The following CFAP92 variants were observed in gnomAD, a reference collection of about 807,000 sequenced individuals.
CFAP92 encodes the protein cilia and flagella associated protein 92 (putative).
A neutral mutation model predicts 106.3 loss-of-function variants in CFAP92; 86 were observed. The ratio of observed to expected loss-of-function variants is 0.81; its 90% CI spans 0.68 to 0.97. CFAP92 has a LOEUF of 0.97. Ranked by LOEUF, CFAP92 falls within the 50% of genes least tolerant of loss-of-function variation. The pLI, the probability that CFAP92 is intolerant of heterozygous loss-of-function variation, is 0.00. For missense variants in CFAP92, 1,204 were observed against 1,283.8 expected (o/e 0.94, Z 0.95); for synonymous variants, 477 against 506.4 (o/e 0.94, Z 0.78).
the CFAP92 span, among the ~76,000 whole-genome samples, chr3:129,025,337 G>A: frequency 3.6e-4 from 55 of 152,268 alleles, no homozygotes; most frequent in Admixed American, 3.5e-3. Context: ...GGAGGCAGGA[G>A]GAATCCCAGA....
At chr3:128,913,955 G>C (rs1231292128) in intron 15 of CFAP92, among the ~76,000 whole-genome samples, 10 of 152,228 alleles carry the variant, frequency 6.6e-5, no homozygotes, top group Non-Finnish European at 8.8e-5. Flanking sequence ...CTTCACTCTA[G>C]GCTGGTGGCG....
At chr3:129,015,662 A>T in the CFAP92 span, among the ~76,000 whole-genome samples, 26 of 151,750 alleles carry the variant, frequency 1.7e-4, no homozygotes, top group African/African-American at 6.3e-4. Context: ...CCTGCTCAGT[A>T]AAGTTGGGGG....
chr3:128,962,532 C>T (rs896881947), intron 9 of CFAP92, among the ~76,000 whole-genome samples: 4 of 152,060 alleles, frequency 2.6e-5, no homozygotes, highest in African/African-American at 9.7e-5. Flanking sequence ...TCATTGCTGC[C>T]CTTCTTCCCA....
At chr3:128,976,911 C>T (rs1237947252) in intron 6 of CFAP92, 68 bp downstream of exon 6, 14 of 1,249,094 alleles carry the variant, frequency 1.1e-5, no homozygotes, top group East Asian at 4.7e-5. Context: ...AAACCTACCA[C>T]GACTCATAGT....
At chr3:129,003,881 G>C (rs1944927129), upstream of CFAP92, 1 of 1,403,788 alleles carries the variant, frequency 7.1e-7, no homozygotes, top group Non-Finnish European at 9.3e-7. Context: ...TCAGGCGCAG[G>C]GCGCCCTGGC....
intron 9 of CFAP92, among the ~76,000 whole-genome samples, chr3:128,956,196 T>TAAATAAAAAAAAAAAAA (rs1941372225): frequency 3.2e-5 from 2 of 61,710 alleles, no homozygotes; most frequent in African/African-American, 1.8e-4. Flanking sequence ...AAAAAAAAAA[T>TAAATAAAAAAAAAAAAA]AAAAAAAAAA....
At chr3:128,971,164 G>T in intron 8 of CFAP92, 123 bp downstream of exon 8, 1 of 1,494,024 alleles carries the variant, frequency 6.7e-7, no homozygotes, top group Non-Finnish European at 9.2e-7. Context: ...TGAGTTTCCT[G>T]AGGTGGCTGT....
intron 12 of CFAP92, among the ~76,000 whole-genome samples, chr3:128,920,832 G>A (rs1217827442): frequency 1.3e-5 from 2 of 152,190 alleles, no homozygotes; most frequent in African/African-American, 2.4e-5. Context: ...AATGTGTCTC[G>A]ACTTGTTGGC....
chr3:128,919,704 A>G (rs1219094271), intron 12 of CFAP92, among the ~76,000 whole-genome samples: 1 of 152,242 alleles, frequency 6.6e-6, no homozygotes, highest in Non-Finnish European at 1.5e-5. Context: ...GATAAGGCAG[A>G]AATAAGAACA....
intron 12 of CFAP92, among the ~76,000 whole-genome samples, chr3:128,926,818 G>A (rs1937697757): frequency 6.6e-6 from 1 of 152,150 alleles, no homozygotes; most frequent in South Asian, 2.1e-4. Flanking sequence ...ATCAGAGGCT[G>A]GGCGAGGTTG....
chr3:128,935,607 G>A (rs1938921657), intron 10 of CFAP92, among the ~76,000 whole-genome samples: 1 of 152,196 alleles, frequency 6.6e-6, no homozygotes, highest in Admixed American at 6.5e-5. Context: ...AGCTACTGGG[G>A]AGGCTGAGGC....
chr3:128,959,581 C>G (rs1941711262), intron 9 of CFAP92, among the ~76,000 whole-genome samples: 1 of 152,184 alleles, frequency 6.6e-6, no homozygotes, highest in Non-Finnish European at 1.5e-5. Flanking sequence ...GAACAAGGAA[C>G]TCACAGAATA....
chr3:128,964,417 C>A (rs1942204097), intron 9 of CFAP92, among the ~76,000 whole-genome samples: 2 of 152,226 alleles, frequency 1.3e-5, no homozygotes, highest in Admixed American at 6.5e-5. Context: ...TTTGTCTAGT[C>A]ATACTCCTAT....
At chr3:128,913,571 TC>T (rs1005639569) in intron 15 of CFAP92, among the ~76,000 whole-genome samples, 2 of 152,036 alleles carry the variant, frequency 1.3e-5, no homozygotes, top group African/African-American at 4.8e-5. Context: ...TTGTGGACAC[TC>T]CCTTGAGCAC....
chr3:128,994,034 C>G lies in CFAP92; in HGVS notation c.-87G>C, dbSNP rs1220399704. The G allele has an allele frequency of 3.0e-6, 3 of 986,744 alleles. No homozygotes were observed. The highest frequency in any genetic ancestry group is 3.5e-5 in the African/African-American group (2 of 57,262). The allele number at this position is 986,744 out of a possible 1,614,324, so 61.1% of individuals were successfully genotyped here. ...GGAGTTGGACCGCGGCGGCAACTCC[C>G]GTACCGGATCCACAGCCACCTGGGC... On this transcript the variant is annotated 5_prime_UTR_variant, in exon 1 of 16. Coordinates refer to ENST00000645291, the MANE Select transcript of CFAP92 (RefSeq NM_001394090.1).
At position 128,915,543 on chromosome 3, in the gene CFAP92, C is replaced by A; in HGVS notation, c.2937G>T (p.Thr979=). 1 of 1,520,896 alleles carries A rather than the reference C, an allele frequency of 6.6e-7. No homozygotes were observed. Among genetic ancestry groups the A allele is most frequent in the Non-Finnish European group, 8.8e-7 (1 of 1,139,316 alleles). The allele number at this position is 1,520,896 out of a possible 1,614,324, so 94.2% of individuals were successfully genotyped here. A position where few individuals can be genotyped will look rare whatever the true frequency, so the allele number is the denominator to read the frequency against. Reference sequence around the variant, plus strand: ...TGGCTGAGAGGTAATCCTGTGAGTACGTGAATCTCTTTCTTGGCTCCTAGA... The same window carrying A: ...TGGCTGAGAGGTAATCCTGTGAGTAAGTGAATCTCTTTCTTGGCTCCTAGA... ...EIAKEPRKRF[T]YSQDYLSAMV... Residue 979 remains threonine, a synonymous_variant, in exon 14 of 16, where the codon ACG becomes ACT. Transcript: ENST00000645291.
chr3:128,993,920 G>A (rs1467388147), intron 1 of CFAP92, 60 bp downstream of exon 1: 2 of 980,364 alleles, frequency 2.0e-6, no homozygotes, highest in Non-Finnish European at 2.4e-6. Flanking sequence ...GAAGAGTCCC[G>A]GGCTGCGGCG....
intron 9 of CFAP92, among the ~76,000 whole-genome samples, chr3:128,946,606 G>A (rs1240969496): frequency 2.0e-5 from 3 of 152,150 alleles, no homozygotes; most frequent in East Asian, 3.8e-4. Context: ...GTCTGAATTC[G>A]TAATCTAAAG....
the CFAP92 span, among the ~76,000 whole-genome samples, chr3:129,014,135 G>T: frequency 2.0e-5 from 3 of 152,226 alleles, no homozygotes; most frequent in Non-Finnish European, 4.4e-5. The surrounding 1 kb of genome is among the most constrained non-coding windows in gnomAD (Gnocchi z 4.3). Context: ...ACCAAATTCT[G>T]TCAAGTGCCT....
Sources: allele counts gnomAD v4.1 joint callset (sites outside exome capture counted in the v4.1 genomes callset), GRCh38; gene constraint gnomAD v4.1.1; non-coding constraint Gnocchi (gnomAD v3.1); transcripts MANE v1.5; gene names NCBI Gene and HGNC (gene_info 2026-07-23, HGNC 2026-07-21).